Variants in MAP1LC3C observed in about 807,000 individuals in gnomAD.
MAP1LC3C encodes microtubule associated protein 1 light chain 3 gamma.
A neutral mutation model predicts 10.4 loss-of-function variants in MAP1LC3C; 12 were observed. The observed-to-expected ratio is 1.15, with a 90% CI of 0.74 to 1.86. MAP1LC3C has a LOEUF of 1.86. Ranked by LOEUF, MAP1LC3C falls within the 40% of genes most tolerant of loss-of-function variation. The pLI is 0.00. For missense variants in MAP1LC3C, 177 were observed against 185.7 expected (o/e 0.95, Z 0.27); for synonymous variants, 70 against 69.0 (o/e 1.01, Z -0.07).
intron 2 of MAP1LC3C, 31 bp from the exon 3 acceptor site, chr1:241,998,651 A>T: frequency 6.2e-7 from 1 of 1,606,848 alleles, no homozygotes; most frequent in Non-Finnish European, 8.5e-7. Context: ...TAAGAATGTG[A>T]CTCAGCGTGA....
chr1:241,996,572 T>C (rs1183484762), intron 3 of MAP1LC3C, among the ~76,000 whole-genome samples, 187 bp from the exon 4 acceptor site: 2 of 151,776 alleles, frequency 1.3e-5, no homozygotes, highest in Non-Finnish European at 2.9e-5. Context: ...CACAAACAGG[T>C]TGAGGAAACA....
Position 241,996,116 on chromosome 1 carries a change from C to A in MAP1LC3C, c.*47G>T. On this transcript the variant is annotated 3_prime_UTR_variant, in exon 4 of 4. Coordinates refer to ENST00000357246, the MANE Select transcript of MAP1LC3C (RefSeq NM_001004343.3). ...CACAGGAGAAAACCAATCCCTTCTG[C>A]CAGCATCTGACACGTCTGTCAGAGC... The A allele has an allele frequency of 6.5e-7, 1 of 1,549,590 alleles. No individual in the cohort carries two copies. The highest frequency in any genetic ancestry group is 8.8e-7 in the Non-Finnish European group (1 of 1,133,688).
Position 241,999,089 on chromosome 1 carries a change from C to T in MAP1LC3C, c.-81G>A. 1 of 1,525,586 alleles carries T rather than the reference C, an allele frequency of 6.6e-7. No individual in the cohort carries two copies. Among genetic ancestry groups the T allele is most frequent in the South Asian group, 1.3e-5 (1 of 76,348 alleles). 94.5% of individuals were successfully genotyped at this position (1,525,586 alleles called of 1,614,324 possible). ...GGAACCTAACTCATTCCTCCAGCTG[C>T]TTCCAAACTGCCTGCAGGAGCCTGA... On this transcript the variant is annotated 5_prime_UTR_variant, in exon 1 of 4. Transcript: ENST00000357246.
chr1:241,997,902 C>T (rs760352720), intron 3 of MAP1LC3C, among the ~76,000 whole-genome samples: 4 of 152,076 alleles, frequency 2.6e-5, no homozygotes, highest in Non-Finnish European at 5.9e-5. Flanking sequence ...AAGGATCTCC[C>T]GGCCTAGCTT....
At chr1:241,999,784 C>T (rs144754015), upstream of MAP1LC3C, among the ~76,000 whole-genome samples, 82 of 152,050 alleles carry the variant, frequency 5.4e-4, no homozygotes, top group African/African-American at 1.8e-3. Context: ...ACTCCAGCCT[C>T]GGCAACAAGA....
chr1:241,998,956 C>G lies in MAP1LC3C; in HGVS notation c.53G>C (p.Ser18Thr). ...PSVRPFKQRK[S>T]LAIRQEEVAG... ...AGCTACCCCAAGAAATTTACCCAAGCTTTTCCTCTGCTTGAAGGGTCTGAC... is the reference window on the plus strand; with the variant it reads ...AGCTACCCCAAGAAATTTACCCAAGGTTTTCCTCTGCTTGAAGGGTCTGAC... The change falls in exon 1 of 4, where the codon AGC (serine) becomes ACC (threonine). Residue 18 changes from serine (S) to threonine (T), a missense_variant. Transcript: ENST00000357246. 1.9e-6 allele frequency: 3 copies of G among 1,612,454 alleles called. No individual in the cohort carries two copies. Among genetic ancestry groups the G allele is most frequent in the Non-Finnish European group, 2.5e-6 (3 of 1,179,670 alleles).
In MAP1LC3C at chr1:241,996,054, C is replaced by T; in HGVS notation, c.*109G>A. The T allele has an allele frequency of 1.0e-6, 1 of 982,498 alleles. No individual in the cohort carries two copies. The highest frequency in any genetic ancestry group is 1.7e-5 in the South Asian group (1 of 58,722). The allele number at this position is 982,498 out of a possible 1,614,324, so 60.9% of individuals were successfully genotyped here. A position where few individuals can be genotyped will look rare whatever the true frequency, so the allele number is the denominator to read the frequency against. On this transcript the variant is annotated 3_prime_UTR_variant, in exon 4 of 4. Transcript: ENST00000357246. ...CTGCCACTGGTTGGAGCTGATCACC[C>T]CAGGCATCCCTGCTTCTCAGACTCC...
upstream of MAP1LC3C, among the ~76,000 whole-genome samples, chr1:242,000,097 T>C (rs1340821708): frequency 6.6e-6 from 1 of 152,142 alleles, no homozygotes; most frequent in Non-Finnish European, 1.5e-5. Flanking sequence ...GAGCAATCAC[T>C]TCTACAGTGG....
At chr1:241,999,275 T>C (rs566156208), upstream of MAP1LC3C, among the ~76,000 whole-genome samples, 2 of 152,302 alleles carry the variant, frequency 1.3e-5, no homozygotes, top group African/African-American at 4.8e-5. Context: ...CAGTTCAAGA[T>C]GTTTCTTTGC....
chr1:242,000,719 C>A (rs1015485332), upstream of MAP1LC3C, among the ~76,000 whole-genome samples: 2 of 152,138 alleles, frequency 1.3e-5, no homozygotes, highest in African/African-American at 2.4e-5. Flanking sequence ...GAAGGGCATA[C>A]CACCCTCCAG....
chr1:241,998,781 T>A lies in MAP1LC3C; in HGVS notation c.109A>T (p.Ile37Phe). The stretch of plus-strand genomic sequence containing the variant: ...GAAGTCCAGTGGTGTCTTACCGGGA[T>A]TTTGTTGGGGAACTTTGCCCGGATT... ...AGIRAKFPNK[I>F]PVVVERYPRE... is the part of the protein sequence containing the mutation. The change falls in exon 2 of 4, where the codon ATC becomes TTC. Residue 37 changes from isoleucine (I) to phenylalanine (F), a missense_variant. Ile to Phe is a conservative substitution (Grantham distance 21). Coordinates refer to ENST00000357246, the MANE Select transcript of MAP1LC3C (RefSeq NM_001004343.3). 6.2e-7 allele frequency: 1 copy of A among 1,613,722 alleles called. No individual in the cohort carries two copies. Among genetic ancestry groups the A allele is most frequent in the Non-Finnish European group, 8.5e-7 (1 of 1,179,894 alleles).
chr1:242,000,227 C>T (rs939302465), upstream of MAP1LC3C, among the ~76,000 whole-genome samples: 6 of 152,110 alleles, frequency 3.9e-5, no homozygotes, highest in Admixed American at 1.3e-4. Context: ...ATTGCAAGCC[C>T]CAAGTTGTGT....
rs748433573 is a variant in MAP1LC3C, at chr1:241,996,148, C to T, written c.*15G>A. Reference sequence around the variant, plus strand: ...CTGACACGTCTGTCAGAGCACACATCCTTCCCGACATGGGCTAGAGAGGAT... The same window carrying T: ...CTGACACGTCTGTCAGAGCACACATTCTTCCCGACATGGGCTAGAGAGGAT... On this transcript the variant is annotated 3_prime_UTR_variant, in exon 4 of 4. Coordinates refer to ENST00000357246, the MANE Select transcript of MAP1LC3C (RefSeq NM_001004343.3). 14 of 1,606,162 alleles carry T rather than the reference C, an allele frequency of 8.7e-6. No individual in the cohort carries two copies. In the Admixed American group the frequency reaches 2.0e-4, roughly 23 times the overall value.
At chr1:241,998,163 C>CA (rs1407702534) in intron 3 of MAP1LC3C, among the ~76,000 whole-genome samples, 2 of 151,566 alleles carry the variant, frequency 1.3e-5, no homozygotes, top group South Asian at 4.2e-4. Context: ...GCTAGGATTA[C>CA]AGGCACCCGC....
At chr1:241,997,472 T>A (rs28751985) in intron 3 of MAP1LC3C, among the ~76,000 whole-genome samples, 137,879 of 152,114 alleles carry the variant, frequency 0.91, 62,826 homozygotes, top group Non-Finnish European at 0.97. Context: ...GTGAACTAGG[T>A]TCACACCACT....
Position 241,996,331 on chromosome 1 carries a change from C to G in MAP1LC3C, c.276G>C (p.Lys92Asn), listed in dbSNP as rs2148599232. 6.2e-7 allele frequency: 1 copy of G among 1,614,144 alleles called. No individual in the cohort carries two copies. Residue 92 changes from lysine to asparagine, a missense_variant, in exon 4 of 4, where the codon AAG (lysine) becomes AAC (asparagine). Coordinates refer to ENST00000357246, the MANE Select transcript of MAP1LC3C (RefSeq NM_001004343.3). Reference sequence around the variant, plus strand: ...TGGTTGCGCTCATGCTGACCAGGCTCTTGTTGTTCACCAGCAAGTAAAAGG... The same window carrying G: ...TGGTTGCGCTCATGCTGACCAGGCTGTTGTTGTTCACCAGCAAGTAAAAGG... Reference protein sequence around the residue: ...TEAFYLLVNNKSLVSMSATMA... With the variant: ...TEAFYLLVNNNSLVSMSATMA...
rs765335328 is a variant in MAP1LC3C, at chr1:241,998,813, A to G, written c.77T>C (p.Val26Ala). The G allele has an allele frequency of 2.4e-5, 39 of 1,614,016 alleles. No homozygotes were observed. In the Admixed American group the frequency reaches 6.3e-4, roughly 26 times the overall value. ...GGGGAACTTTGCCCGGATTCCAGCAACTTCCTCTTGTCTGATTGCTGTGAA... is the reference window on the plus strand; with the variant it reads ...GGGGAACTTTGCCCGGATTCCAGCAGCTTCCTCTTGTCTGATTGCTGTGAA... ...RKSLAIRQEE[V>A]AGIRAKFPNK... Residue 26 changes from valine (V) to alanine (A), a missense_variant, in exon 2 of 4, where the codon GTT becomes GCT. Coordinates refer to ENST00000357246, the MANE Select transcript of MAP1LC3C (RefSeq NM_001004343.3).
At chr1:241,997,552 A>G (rs934152944) in intron 3 of MAP1LC3C, among the ~76,000 whole-genome samples, 2 of 152,152 alleles carry the variant, frequency 1.3e-5, no homozygotes, top group African/African-American at 4.8e-5. Context: ...TGTGTTCTCA[A>G]AAAAACAGGC....
intron 3 of MAP1LC3C, among the ~76,000 whole-genome samples, chr1:241,997,429 AG>A (rs2148599909): frequency 6.6e-6 from 1 of 152,268 alleles, no homozygotes; most frequent in Admixed American, 6.5e-5. Context: ...CTGAGATGGG[AG>A]GATCGCCTGA....
Sources: gnomAD v4.1 joint callset for allele counts (sites outside exome capture counted in the v4.1 genomes callset) on GRCh38, gnomAD v4.1.1 for gene constraint, MANE v1.5 for transcripts, NCBI Gene and HGNC (gene_info 2026-07-23, HGNC 2026-07-21) for gene names.